LHFPL3: variants seen among roughly 807,000 people sequenced by gnomAD.
LHFPL3 encodes LHFPL tetraspan subfamily member 3.
In LHFPL3, 5 loss-of-function variants were observed where a neutral mutation model predicts 19.3. The ratio of observed to expected loss-of-function variants is 0.26; its 90% confidence interval spans 0.14 to 0.54. The LOEUF (loss-of-function observed/expected upper bound fraction) is 0.54. Among genes scored for constraint, LHFPL3 ranks in the 20% least tolerant of loss-of-function variants. The pLI is 0.94. For synonymous variants in LHFPL3, 133 were observed against 126.2 expected (o/e 1.05, Z -0.36); for missense variants, 249 against 307.4 (o/e 0.81, Z 1.42).
At chr7:104,582,091 C>A (rs2385237) in intron 1 of LHFPL3, among the ~76,000 whole-genome samples, 110,055 of 151,692 alleles carry the variant, frequency 0.73, 40,620 homozygotes, top group Non-Finnish European at 0.8. Flanking sequence ...AAGAACTTGG[C>A]GTGTCGCCCC....
intron 1 of LHFPL3, among the ~76,000 whole-genome samples, chr7:104,417,884 CT>C (rs762794916): frequency 0.16 from 18,782 of 117,272 alleles, 1,496 homozygotes; most frequent in Admixed American, 0.27. Flanking sequence ...TCTTCTTCTT[CT>C]TTTTTTTTTT....
chr7:104,898,006 C>CTTTT lies in LHFPL3; in HGVS notation c.683-8163_683-8160dup, dbSNP rs71155536. On this transcript the variant is annotated intron_variant, in intron 2 of 2. Coordinates refer to ENST00000424859, the MANE Select transcript of LHFPL3 (RefSeq NM_199000.3). ...CTGCTGACAGAAAGAAATGTCACCC[C>CTTTT]TTTTTTTTTTTTTTTTTTTTTGATA... Among the ~76,000 whole-genome samples, 487 of 96,776 alleles carry CTTTT rather than the reference C, an allele frequency of 5.0e-3. 40 individuals carry two copies. Among genetic ancestry groups the CTTTT allele is most frequent in the African/African-American group, 0.018 (448 of 24,270 alleles). 63.5% of individuals were successfully genotyped at this position (96,776 alleles called of 152,430 possible). A position where few individuals can be genotyped will look rare whatever the true frequency, so the allele number is the denominator to read the frequency against.
chr7:104,864,385 GA>G (rs1791678890), intron 2 of LHFPL3, among the ~76,000 whole-genome samples: 1 of 152,112 alleles, frequency 6.6e-6, no homozygotes, highest in African/African-American at 2.4e-5. Flanking sequence ...AGGGGTGACA[GA>G]TGGCACCTGG....
chr7:104,664,927 CAT>C (rs911105467), intron 1 of LHFPL3, among the ~76,000 whole-genome samples: 35 of 128,338 alleles, frequency 2.7e-4, no homozygotes, highest in African/African-American at 5.9e-4. Context: ...GGAAAAGAAA[CAT>C]GTGTCCTTGA....
At chr7:104,348,139 A>C (rs1584604419) in intron 1 of LHFPL3, among the ~76,000 whole-genome samples, 1 of 152,160 alleles carries the variant, frequency 6.6e-6, no homozygotes, top group Admixed American at 6.5e-5. Context: ...GTAATCCCAG[A>C]ACTTTGGAAG....
intron 2 of LHFPL3, among the ~76,000 whole-genome samples, chr7:104,755,684 G>T (rs867309183): frequency 6.6e-6 from 1 of 151,598 alleles, no homozygotes; most frequent in South Asian, 2.1e-4. Context: ...TTTGTTGTTT[G>T]TTTCTTTGTT....
chr7:104,759,332 A>T (rs1794336307), intron 2 of LHFPL3, among the ~76,000 whole-genome samples: 1 of 152,160 alleles, frequency 6.6e-6, no homozygotes, highest in Non-Finnish European at 1.5e-5. Context: ...TGAGCCACAT[A>T]TGTGCTTATA....
At chr7:104,776,204 C>T (rs1487066611) in intron 2 of LHFPL3, among the ~76,000 whole-genome samples, 3 of 152,138 alleles carry the variant, frequency 2.0e-5, no homozygotes, top group Non-Finnish European at 2.9e-5. Flanking sequence ...ATCCAGGCTC[C>T]GACTGAAATT....
At chr7:104,331,026 C>A (rs536120161) in intron 1 of LHFPL3, among the ~76,000 whole-genome samples, 2 of 152,290 alleles carry the variant, frequency 1.3e-5, no homozygotes, top group East Asian at 1.9e-4. Context: ...TTCTCAACAA[C>A]GTATTCTTCA....
chr7:104,428,683 A>G (rs1791894342), intron 1 of LHFPL3, among the ~76,000 whole-genome samples: 1 of 152,238 alleles, frequency 6.6e-6, no homozygotes, highest in South Asian at 2.1e-4. Flanking sequence ...TAGGATTTAT[A>G]AAATAACTTG....
intron 2 of LHFPL3, among the ~76,000 whole-genome samples, chr7:104,899,040 C>T (rs958467095): frequency 6.6e-6 from 1 of 152,144 alleles, no homozygotes; most frequent in Admixed American, 6.5e-5. Flanking sequence ...AAAGTCAAGG[C>T]TGCAGCGAGC....
intron 1 of LHFPL3, among the ~76,000 whole-genome samples, chr7:104,616,929 T>C (rs1469982564): frequency 1.3e-5 from 2 of 152,104 alleles, no homozygotes; most frequent in Admixed American, 6.5e-5. Flanking sequence ...ATTAGAGAAA[T>C]GCAAATCAAA....
chr7:104,361,941 G>A (rs1337642943), intron 1 of LHFPL3, among the ~76,000 whole-genome samples: 6 of 152,154 alleles, frequency 3.9e-5, no homozygotes, highest in Non-Finnish European at 7.4e-5. Context: ...AATCACTTTG[G>A]GATCCACCTC....
In LHFPL3 at chr7:104,500,076, G is replaced by A. The variant is rs535905251; in HGVS notation, c.445+170852G>A. ...TGCATTGCCTACTGATGTGATGTCT[G>A]TTTCCAGGACTGATTCAGTCCGAGA... On this transcript the variant is annotated intron_variant, in intron 1 of 2. Transcript: ENST00000424859. 1.2e-4 allele frequency among the ~76,000 whole-genome samples: 18 copies of A among 152,306 alleles called. No individual in the cohort carries two copies. In the South Asian group the frequency reaches 3.5e-3, roughly 30 times the overall value.
At chr7:104,420,167 GTCT>G (rs1224445270) in intron 1 of LHFPL3, among the ~76,000 whole-genome samples, 2 of 152,306 alleles carry the variant, frequency 1.3e-5, no homozygotes, top group East Asian at 1.9e-4. Context: ...ACTTTTCTGG[GTCT>G]TCTTCTAGGA....
At chr7:104,668,438 A>G in intron 1 of LHFPL3, 1 of 1,609,304 alleles carries the variant, frequency 6.2e-7, no homozygotes, top group Non-Finnish European at 8.5e-7. Context: ...GTTATGATTC[A>G]GACCGGTATC....
intron 1 of LHFPL3, among the ~76,000 whole-genome samples, chr7:104,395,808 A>G (rs1791171632): frequency 6.6e-6 from 1 of 152,126 alleles, no homozygotes; most frequent in East Asian, 1.9e-4. Flanking sequence ...TTTATTCTTT[A>G]TTTTCTAACG....
At chr7:104,408,032 C>T (rs1791454007) in intron 1 of LHFPL3, among the ~76,000 whole-genome samples, 1 of 152,166 alleles carries the variant, frequency 6.6e-6, no homozygotes, top group Non-Finnish European at 1.5e-5. Flanking sequence ...GAACCCTCCC[C>T]TCAGATGGTA....
At chr7:104,752,547 A>G (rs1240762860) in intron 2 of LHFPL3, among the ~76,000 whole-genome samples, 1 of 145,842 alleles carries the variant, frequency 6.9e-6, no homozygotes, top group African/African-American at 2.6e-5. Flanking sequence ...CATGGGCAAA[A>G]TTGTTCTATT....
Sources: allele counts gnomAD v4.1 joint callset (sites outside exome capture counted in the v4.1 genomes callset), GRCh38; gene constraint gnomAD v4.1.1; transcripts MANE v1.5; gene names NCBI Gene and HGNC (gene_info 2026-07-23, HGNC 2026-07-21).